The following IRAK2 variants were observed in gnomAD, a reference collection of about 807,000 sequenced individuals.
IRAK2 encodes the protein interleukin-1 receptor-associated kinase-like 2.
In IRAK2, 57 loss-of-function variants were observed where a neutral mutation model predicts 72.0. The observed-to-expected ratio is 0.79, with a 90% confidence interval of 0.64 to 0.99. The LOEUF is 0.99. IRAK2 is among the 50% of genes least tolerant of loss of function. IRAK2 has a pLI of 0.00. For synonymous variants in IRAK2, 293 were observed against 312.7 expected (o/e 0.94, Z 0.67); for missense variants, 790 against 794.4 (o/e 0.99, Z 0.07).
intron 10 of IRAK2, among the ~76,000 whole-genome samples, chr3:10,233,322 G>A (rs1174204560): frequency 1.3e-5 from 2 of 152,048 alleles, no homozygotes; most frequent in African/African-American, 4.8e-5. Flanking sequence ...AAAGTGCTGG[G>A]ATTACAGGCA....
chr3:10,223,650 G>C (rs1337340195), intron 9 of IRAK2, among the ~76,000 whole-genome samples: 1 of 152,254 alleles, frequency 6.6e-6, no homozygotes, highest in Non-Finnish European at 1.5e-5. Flanking sequence ...CCAGAGAGGG[G>C]TATGCAGTGT....
At chr3:10,175,749 G>A (rs1159271409) in intron 1 of IRAK2, among the ~76,000 whole-genome samples, 2 of 151,878 alleles carry the variant, frequency 1.3e-5, no homozygotes, top group Admixed American at 6.6e-5. Context: ...AATTAGCCAG[G>A]CGTGGTGGTG....
chr3:10,195,938 G>A (rs971224841), intron 2 of IRAK2, among the ~76,000 whole-genome samples: 7 of 152,186 alleles, frequency 4.6e-5, no homozygotes, highest in Admixed American at 1.3e-4. Flanking sequence ...CCCTGCCAGA[G>A]AGGGGAGGCT....
intron 9 of IRAK2, among the ~76,000 whole-genome samples, chr3:10,223,073 A>G (rs1488992437): frequency 6.6e-6 from 1 of 152,210 alleles, no homozygotes; most frequent in Non-Finnish European, 1.5e-5. Context: ...TATGTGATAG[A>G]GACTGAACAT....
chr3:10,237,585 A>C (rs1296452312), intron 11 of IRAK2, among the ~76,000 whole-genome samples: 2 of 152,074 alleles, frequency 1.3e-5, no homozygotes, highest in Non-Finnish European at 2.9e-5. Flanking sequence ...AGGCGGGCGG[A>C]TCACGAGGTC....
At chr3:10,218,292 C>T (rs919249174) in intron 7 of IRAK2, among the ~76,000 whole-genome samples, 11 of 152,146 alleles carry the variant, frequency 7.2e-5, no homozygotes, top group East Asian at 3.9e-4. Context: ...GGCGTGGTGG[C>T]GTGTGCCTGT....
chr3:10,225,297 A>G (rs1402314302), intron 9 of IRAK2, among the ~76,000 whole-genome samples: 1 of 152,160 alleles, frequency 6.6e-6, no homozygotes, highest in African/African-American at 2.4e-5. Flanking sequence ...GCTAGTCCCC[A>G]TTTAACAGAT....
At chr3:10,199,287 G>T (rs1454079351) in intron 2 of IRAK2, among the ~76,000 whole-genome samples, 2 of 152,186 alleles carry the variant, frequency 1.3e-5, no homozygotes, top group East Asian at 3.9e-4. Flanking sequence ...CCAAGTTGAT[G>T]TAAAAAGGAA....
chr3:10,233,296 C>T (rs961835118), intron 10 of IRAK2, among the ~76,000 whole-genome samples: 1 of 152,098 alleles, frequency 6.6e-6, no homozygotes, highest in Non-Finnish European at 1.5e-5. Flanking sequence ...GAGTGATCTG[C>T]CAGTCTCGGC....
intron 1 of IRAK2, among the ~76,000 whole-genome samples, chr3:10,167,666 C>T (rs112582329): frequency 0.27 from 41,396 of 151,890 alleles, 5,820 homozygotes; most frequent in South Asian, 0.3. Context: ...CCACCTACCT[C>T]GGCTTCCCAA....
chr3:10,204,566 T>G (rs1038362987), intron 3 of IRAK2, among the ~76,000 whole-genome samples: 2 of 152,186 alleles, frequency 1.3e-5, no homozygotes, highest in African/African-American at 2.4e-5. Context: ...CTGGTCAACA[T>G]GGTGAAACCT....
rs1016094087 is a variant in IRAK2, at chr3:10,190,778, A to G, written c.278-9591A>G. Among the ~76,000 whole-genome samples, 4 of 152,232 alleles carry G rather than the reference A, an allele frequency of 2.6e-5. No individual in the cohort carries two copies. In the East Asian group the frequency reaches 7.7e-4, roughly 29 times the overall value. On this transcript the variant is annotated intron_variant, in intron 2 of 12. Transcript: ENST00000256458. ...ATAGGCTTGGTTATGCTGCGGTATC[A>G]GATAAACCTTGAAATCTAGTTCCTC... is the stretch of plus-strand genomic sequence containing the variant.
At chr3:10,226,161 A>T (rs1028657842) in intron 9 of IRAK2, among the ~76,000 whole-genome samples, 2 of 152,192 alleles carry the variant, frequency 1.3e-5, no homozygotes, top group Admixed American at 1.3e-4. Context: ...CTATCAATTA[A>T]TTACAACCTT....
At chr3:10,186,783 C>T (rs1480998664) in intron 2 of IRAK2, among the ~76,000 whole-genome samples, 4 of 124,708 alleles carry the variant, frequency 3.2e-5, no homozygotes, top group Admixed American at 8.0e-5. Context: ...TCTTTCTTTC[C>T]TTTTTTTTTT....
intron 9 of IRAK2, among the ~76,000 whole-genome samples, chr3:10,225,988 C>G (rs949631678): frequency 1.3e-5 from 2 of 152,086 alleles, no homozygotes; most frequent in Admixed American, 1.3e-4. Flanking sequence ...CATGATCCAC[C>G]GTGCCCAGCC....
chr3:10,237,785 G>C (rs9877867), intron 11 of IRAK2, among the ~76,000 whole-genome samples: 1 of 130,968 alleles, frequency 7.6e-6, no homozygotes, highest in Non-Finnish European at 1.5e-5. Flanking sequence ...CGGCCTGGGC[G>C]AAAGAGCGAG....
chr3:10,237,995 G>A (rs1033723934), intron 11 of IRAK2, among the ~76,000 whole-genome samples: 6 of 146,872 alleles, frequency 4.1e-5, no homozygotes, highest in African/African-American at 7.5e-5. Context: ...CCTTGCTTCC[G>A]TCTAATTTTC....
intron 2 of IRAK2, among the ~76,000 whole-genome samples, chr3:10,179,181 T>G (rs959142951): frequency 5.3e-5 from 8 of 152,188 alleles, no homozygotes; most frequent in Admixed American, 2.0e-4. Flanking sequence ...GACACATTCT[T>G]TCTAATAGCT....
rs748508981 is a variant in IRAK2 at position 10,238,412 on chromosome 3, GGTCTT to G, written c.1474-335_1474-331del. The stretch of plus-strand genomic sequence containing the variant: ...CTACCACTAGAGAGGAAAGGCTGGA[GGTCTT>G]TCCCCAATAAGCTCTAGGTGGAAAA... On this transcript the variant is annotated intron_variant, in intron 11 of 12. Transcript: ENST00000256458. Among the ~76,000 whole-genome samples the G allele has an allele frequency of 3.9e-5, 6 of 152,244 alleles. No homozygotes were observed. The East Asian group carries it at 1.2e-3, about 29-fold the overall frequency.
Sources: gnomAD v4.1 joint callset for allele counts (sites outside exome capture counted in the v4.1 genomes callset) on GRCh38, gnomAD v4.1.1 for gene constraint, MANE v1.5 for transcripts, NCBI Gene and HGNC (gene_info 2026-07-23, HGNC 2026-07-21) for gene names.